LARGE1: variants seen among roughly 807,000 people sequenced by gnomAD.
The protein encoded by LARGE1 is LARGE xylosyl- and glucuronyltransferase 1.
In LARGE1, 43 loss-of-function variants were observed where a neutral mutation model predicts 87.6. That is an observed-to-expected ratio of 0.49 (90% CI 0.38 to 0.63). The LOEUF is 0.63. Among genes scored for constraint, LARGE1 ranks in the 30% least tolerant of loss-of-function variants. The pLI, the probability that LARGE1 is intolerant of heterozygous loss-of-function variation, is 0.00. For missense variants in LARGE1, 802 were observed against 1,000.2 expected (o/e 0.80, Z 2.67); for synonymous variants, 434 against 394.6 (o/e 1.10, Z -1.18).
At chr22:33,787,034 AAAAG>A (rs1228794148) in intron 1 of LARGE1, among the ~76,000 whole-genome samples, 1 of 151,898 alleles carries the variant, frequency 6.6e-6, no homozygotes. Context: ...AAAAAAAAAA[AAAAG>A]AAAGAAAAAG....
At chr22:33,121,728 TAA>T in the LARGE1 span, among the ~76,000 whole-genome samples, 1 of 152,202 alleles carries the variant, frequency 6.6e-6, no homozygotes, top group Non-Finnish European at 1.5e-5. Context: ...GTGTGAGATA[TAA>T]AGACATACCT....
At chr22:33,452,250 G>T (rs1191934700) in intron 6 of LARGE1, among the ~76,000 whole-genome samples, 5 of 152,182 alleles carry the variant, frequency 3.3e-5, no homozygotes, top group African/African-American at 4.8e-5. Context: ...GACAAGAGAT[G>T]CTACAAAAAG....
chr22:33,754,073 A>C (rs535053351), intron 2 of LARGE1, among the ~76,000 whole-genome samples: 1 of 152,132 alleles, frequency 6.6e-6, no homozygotes, highest in East Asian at 1.9e-4. Context: ...AAAAAAAGTA[A>C]AAGGAAAGTA....
At chr22:33,446,960 C>A (rs543441148) in intron 6 of LARGE1, among the ~76,000 whole-genome samples, 3 of 152,332 alleles carry the variant, frequency 2.0e-5, no homozygotes, top group Admixed American at 1.3e-4. Flanking sequence ...GTGGCACCAT[C>A]TCGGTTCACT....
intron 2 of LARGE1, among the ~76,000 whole-genome samples, chr22:33,676,697 A>G (rs2081589918): frequency 6.6e-6 from 1 of 152,176 alleles, no homozygotes; most frequent in African/African-American, 2.4e-5. Flanking sequence ...GGGTTGGCAA[A>G]CTTTTCCTAC....
chr22:33,809,215 T>A (rs1375640707), intron 1 of LARGE1, among the ~76,000 whole-genome samples: 2 of 150,930 alleles, frequency 1.3e-5, no homozygotes, highest in Non-Finnish European at 2.9e-5. Flanking sequence ...GAGGCTGCGG[T>A]GAGCCGAGAT....
At chr22:33,572,227 A>T in intron 5 of LARGE1, 2 of 1,281,110 alleles carry the variant, frequency 1.6e-6, no homozygotes, top group Non-Finnish European at 2.0e-6. Flanking sequence ...CAGCTGCAGA[A>T]TGTTTGAAAA....
the LARGE1 span, among the ~76,000 whole-genome samples, chr22:33,125,207 AG>A: frequency 6.6e-6 from 1 of 152,296 alleles, no homozygotes; most frequent in South Asian, 2.1e-4. Flanking sequence ...GCCAGTCTTC[AG>A]TCTGGTCTGG....
rs149613810 is a variant in LARGE1, at chr22:33,692,591, G to A, written c.107-41923C>T. On this transcript the variant is annotated intron_variant, in intron 2 of 14. Transcript: ENST00000397394. ...CTCCCAAAGTGGTGGAATTATAGGC[G>A]TGAGCCACCGCGCCCGGCCAATGGC... Among the ~76,000 whole-genome samples, 326 of 152,340 alleles carry A rather than the reference G, an allele frequency of 2.1e-3. 2 individuals carry two copies. Among genetic ancestry groups the A allele is most frequent in the African/African-American group, 6.8e-3 (284 of 41,572 alleles).
intron 1 of LARGE1, among the ~76,000 whole-genome samples, chr22:33,793,429 A>G (rs2085884161): frequency 6.6e-6 from 1 of 152,222 alleles, no homozygotes; most frequent in Admixed American, 6.5e-5. Context: ...AACAGGGAGC[A>G]GCAGCTTCCA....
downstream of LARGE1, among the ~76,000 whole-genome samples, chr22:33,271,373 A>T (rs1928234397): frequency 6.6e-6 from 1 of 152,218 alleles, no homozygotes; most frequent in South Asian, 2.1e-4. Context: ...CACAGAATGC[A>T]TTCAGGTTCC....
chr22:33,824,475 C>T (rs762476376), intron 1 of LARGE1, among the ~76,000 whole-genome samples: 2 of 152,158 alleles, frequency 1.3e-5, no homozygotes, highest in Non-Finnish European at 2.9e-5. Flanking sequence ...GAAGTCCACC[C>T]CCATGATTCA....
chr22:33,250,995 G>T lies in LARGE1; in HGVS notation c.1730+53234C>A, dbSNP rs546470113. 8.5e-5 allele frequency among the ~76,000 whole-genome samples: 13 copies of T among 152,194 alleles called. No individual in the cohort carries two copies. In the East Asian group the frequency reaches 2.5e-3, roughly 29 times the overall value. ...GGCTTTTTCTGGTTTTGGTATTAGG[G>T]TCATGCTTGCCTCATAGAATGATGT... On this transcript the variant is annotated intron_variant, in intron 11 of 11. Coordinates refer to the LARGE1 transcript ENST00000608642.
intron 2 of LARGE1, among the ~76,000 whole-genome samples, chr22:33,710,020 G>A (rs734063): frequency 0.15 from 21,994 of 147,622 alleles, 2,053 homozygotes; most frequent in East Asian, 0.33. Flanking sequence ...CATCATCACC[G>A]TATAATTCCA....
intron 10 of LARGE1, among the ~76,000 whole-genome samples, chr22:33,334,626 G>A (rs974959058): frequency 1.3e-5 from 2 of 152,188 alleles, no homozygotes; most frequent in African/African-American, 2.4e-5. Context: ...AGAAAGCACA[G>A]AAAGGAGGTG....
At chr22:33,115,615 AG>A in the LARGE1 span, among the ~76,000 whole-genome samples, 1 of 152,076 alleles carries the variant, frequency 6.6e-6, no homozygotes, top group Non-Finnish European at 1.5e-5. Flanking sequence ...CAGGAGATGG[AG>A]ACCATCCTGG....
chr22:33,892,595 A>C (rs1170860029), intron 1 of LARGE1, among the ~76,000 whole-genome samples: 1 of 152,206 alleles, frequency 6.6e-6, no homozygotes, highest in Non-Finnish European at 1.5e-5. Context: ...ATGCATACAA[A>C]ATGATCATCT....
At chr22:33,409,230 G>T (rs2066218814) in intron 7 of LARGE1, among the ~76,000 whole-genome samples, 1 of 152,158 alleles carries the variant, frequency 6.6e-6, no homozygotes, top group Non-Finnish European at 1.5e-5. Flanking sequence ...GGCTCAGGGG[G>T]ACAAGGAGGG....
intron 4 of LARGE1, among the ~76,000 whole-genome samples, chr22:33,605,770 T>G (rs1828284043): frequency 6.6e-6 from 1 of 152,110 alleles, no homozygotes; most frequent in Non-Finnish European, 1.5e-5. Context: ...CCCGCTGACC[T>G]CAAAGAGCTC....
Sources: allele counts gnomAD v4.1 joint callset (sites outside exome capture counted in the v4.1 genomes callset), GRCh38; gene constraint gnomAD v4.1.1; transcripts MANE v1.5; gene names NCBI Gene and HGNC (gene_info 2026-07-23, HGNC 2026-07-21).